Variants in TMTC2 observed in about 807,000 individuals in gnomAD.
The protein encoded by TMTC2 is protein O-mannosyl-transferase TMTC2.
TMTC2 carries 43 observed loss-of-function variants against 82.4 expected under a neutral mutation model. The observed-to-expected ratio is 0.52, with a 90% CI of 0.41 to 0.67. The LOEUF (loss-of-function observed/expected upper bound fraction) is 0.67, where lower values mean the gene tolerates loss of function less well. TMTC2 is among the 30% of genes least tolerant of loss of function. The pLI is 0.00. For missense variants in TMTC2, 919 were observed against 1,012.4 expected, an observed-to-expected ratio of 0.91 and a Z score of 1.25; for synonymous variants, 408 against 381.9, an observed-to-expected ratio of 1.07 and a Z score of -0.80.
intron 10 of TMTC2, among the ~76,000 whole-genome samples, chr12:83,059,145 C>A (rs1035082968): frequency 6.6e-6 from 1 of 151,766 alleles, no homozygotes; most frequent in African/African-American, 2.4e-5. Context: ...CAGTCCCTAA[C>A]AACGTTATGG....
chr12:82,732,228 T>C (rs1321318224), intron 1 of TMTC2, among the ~76,000 whole-genome samples: 1 of 152,236 alleles, frequency 6.6e-6, no homozygotes, highest in Admixed American at 6.5e-5. Context: ...GTATCATACT[T>C]TATTGATTGA....
At chr12:82,993,394 T>G (rs1321972631) in intron 8 of TMTC2, among the ~76,000 whole-genome samples, 1 of 152,002 alleles carries the variant, frequency 6.6e-6, no homozygotes, top group East Asian at 1.9e-4. Flanking sequence ...AATAAATACA[T>G]TGGAAAATTT....
At chr12:82,853,109 CT>C (rs1185301395) in intron 1 of TMTC2, among the ~76,000 whole-genome samples, 43 of 145,030 alleles carry the variant, frequency 3.0e-4, no homozygotes, top group Admixed American at 4.8e-4. Context: ...AGTTTTTTTT[CT>C]TTTTTTTTTT....
intron 1 of TMTC2, among the ~76,000 whole-genome samples, chr12:82,717,567 G>A (rs1454592287): frequency 3.9e-5 from 6 of 152,124 alleles, no homozygotes; most frequent in South Asian, 2.1e-4. Context: ...TACTGTAAGC[G>A]TCTTATCTTA....
chr12:82,880,512 TTAAG>T (rs1872768261), intron 2 of TMTC2, among the ~76,000 whole-genome samples: 1 of 152,192 alleles, frequency 6.6e-6, no homozygotes, highest in African/African-American at 2.4e-5. Flanking sequence ...GAGGGCATGT[TTAAG>T]TAGGGAGTAA....
At chr12:82,845,314 A>C (rs1870596677) in intron 1 of TMTC2, among the ~76,000 whole-genome samples, 1 of 147,502 alleles carries the variant, frequency 6.8e-6, no homozygotes, top group Admixed American at 6.8e-5. Flanking sequence ...AAATACCACA[A>C]ATCCTCAAGA....
At chr12:82,810,470 T>G (rs966860130) in intron 1 of TMTC2, among the ~76,000 whole-genome samples, 1 of 151,724 alleles carries the variant, frequency 6.6e-6, no homozygotes, top group African/African-American at 2.4e-5. Flanking sequence ...TTAACAGAAT[T>G]ATTAGAAAAC....
intron 9 of TMTC2, among the ~76,000 whole-genome samples, chr12:83,050,176 T>A (rs1008241734): frequency 6.6e-6 from 1 of 152,178 alleles, no homozygotes; most frequent in African/African-American, 2.4e-5. Flanking sequence ...TATTTGAATA[T>A]CCGTATCAGA....
At chr12:82,868,317 G>A (rs899365058) in intron 2 of TMTC2, among the ~76,000 whole-genome samples, 1 of 152,144 alleles carries the variant, frequency 6.6e-6, no homozygotes, top group African/African-American at 2.4e-5. Context: ...GCAAAGAATG[G>A]AATGCTTGCT....
chr12:83,073,159 C>T (rs1382815201), intron 11 of TMTC2, among the ~76,000 whole-genome samples: 1 of 151,890 alleles, frequency 6.6e-6, no homozygotes, highest in African/African-American at 2.4e-5. Flanking sequence ...CTCCTTTTAG[C>T]AGTTCTTGTA....
At chr12:83,024,236 A>C (rs1881065017) in intron 8 of TMTC2, among the ~76,000 whole-genome samples, 1 of 152,206 alleles carries the variant, frequency 6.6e-6, no homozygotes, top group African/African-American at 2.4e-5. Context: ...AAATATGTAC[A>C]AATATTTGTA....
At chr12:83,095,219 TTTTTTTTTTTG>T (rs1883982392) in intron 11 of TMTC2, among the ~76,000 whole-genome samples, 1 of 116,838 alleles carries the variant, frequency 8.6e-6, no homozygotes. Flanking sequence ...AATTTCATGG[TTTTTTTTTTTG>T]TTTTTTTTTT....
chr12:82,952,731 T>TTTTG (rs982550994), intron 4 of TMTC2, among the ~76,000 whole-genome samples: 4 of 151,958 alleles, frequency 2.6e-5, no homozygotes, highest in East Asian at 3.9e-4. Context: ...TGTGGTGTTT[T>TTTTG]TTTGTTTGTT....
intron 2 of TMTC2, among the ~76,000 whole-genome samples, chr12:82,890,815 C>T (rs1011395656): frequency 1.1e-4 from 16 of 152,060 alleles, no homozygotes; most frequent in Admixed American, 5.2e-4. Flanking sequence ...TCATATCCAG[C>T]GTATAGAAGA....
Position 83,019,946 on chromosome 12 carries a change from G to C in TMTC2, c.2071-10852G>C, listed in dbSNP as rs116025692. Among the ~76,000 whole-genome samples, 991 of 152,202 alleles carry C rather than the reference G, an allele frequency of 6.5e-3. 12 individuals are homozygous for C. Among genetic ancestry groups the C allele is most frequent in the African/African-American group, 0.023 (948 of 41,528 alleles). ...GTATGGTTCGCCTTCACTCCCCTCTGCCTCACTCAACCTGGGCTTCACACA... is the reference window on the plus strand; with the variant it reads ...GTATGGTTCGCCTTCACTCCCCTCTCCCTCACTCAACCTGGGCTTCACACA... On this transcript the variant is annotated intron_variant, in intron 8 of 11. Transcript: ENST00000321196.
intron 1 of TMTC2, among the ~76,000 whole-genome samples, chr12:82,845,626 T>C (rs1168933262): frequency 6.6e-6 from 1 of 152,034 alleles, no homozygotes; most frequent in East Asian, 1.9e-4. Flanking sequence ...GTGTACTGAA[T>C]TATGTTAGGA....
intron 1 of TMTC2, among the ~76,000 whole-genome samples, chr12:82,842,693 C>T (rs1870406695): frequency 6.6e-6 from 1 of 152,110 alleles, no homozygotes; most frequent in South Asian, 2.1e-4. Context: ...CTTTAGAAAT[C>T]AAGATCATGG....
chr12:82,739,790 C>T (rs1875306968), intron 1 of TMTC2, among the ~76,000 whole-genome samples: 1 of 147,654 alleles, frequency 6.8e-6, no homozygotes, highest in Non-Finnish European at 1.5e-5. Flanking sequence ...GTAGAACATA[C>T]TAGATAGGAA....
chr12:83,119,998 TTC>T (rs1884896295), intron 11 of TMTC2, among the ~76,000 whole-genome samples: 4 of 152,220 alleles, frequency 2.6e-5, no homozygotes, highest in Non-Finnish European at 4.4e-5. Flanking sequence ...AAATGTCTTT[TTC>T]TACCCTTTTA....
Sources: allele counts gnomAD v4.1 joint callset (sites outside exome capture counted in the v4.1 genomes callset), GRCh38; gene constraint gnomAD v4.1.1; transcripts MANE v1.5; gene names NCBI Gene and HGNC (gene_info 2026-07-23, HGNC 2026-07-21).